TMEM163: variants seen among roughly 807,000 people sequenced by gnomAD.
The protein encoded by TMEM163 is transmembrane protein 163.
Under a neutral mutation model 29.3 loss-of-function variants are expected in TMEM163, and 17 were observed. That is an observed-to-expected ratio of 0.58 (90% CI 0.40 to 0.87). The LOEUF (loss-of-function observed/expected upper bound fraction) is 0.87. TMEM163 is among the 40% of genes least tolerant of loss of function. TMEM163 has a pLI of 0.00. For missense variants in TMEM163, 303 were observed against 381.5 expected (o/e 0.79, Z 1.71); for synonymous variants, 157 against 160.6 (o/e 0.98, Z 0.17).
rs142031692 is a variant in TMEM163 at position 134,712,328 on chromosome 2, C to T, written c.322+872G>A. Among the ~76,000 whole-genome samples the T allele has an allele frequency of 1.3e-3, 202 of 152,326 alleles. 1 individual carries two copies. The highest frequency in any genetic ancestry group is 7.7e-3 in the East Asian group (40 of 5,184). ...ACAACACACACACATAGCTTGTCTTCTAGCAGACATGTGCTTTTTTTCTCC... is the reference window on the plus strand; with the variant it reads ...ACAACACACACACATAGCTTGTCTTTTAGCAGACATGTGCTTTTTTTCTCC... On this transcript the variant is annotated intron_variant, in intron 2 of 7. Transcript: ENST00000281924.
chr2:134,679,354 C>T (rs968004737), intron 2 of TMEM163, among the ~76,000 whole-genome samples: 3 of 152,194 alleles, frequency 2.0e-5, no homozygotes, highest in Admixed American at 6.5e-5. Context: ...AACTCATGCA[C>T]GTTACATCAT....
At chr2:134,614,570 T>TCAGTGGGACA (rs1682567781) in intron 2 of TMEM163, among the ~76,000 whole-genome samples, 1 of 152,178 alleles carries the variant, frequency 6.6e-6, no homozygotes, top group Non-Finnish European at 1.5e-5. Flanking sequence ...TAAAACATTT[T>TCAGTGGGACA]CAGTGGGACA....
In TMEM163 at chr2:134,455,976, ATGC is replaced by A. The variant is rs1333503118; in HGVS notation, c.*737_*739del. On this transcript the variant is annotated 3_prime_UTR_variant, in exon 8 of 8. Transcript: ENST00000281924. ...ACCACTTAACACAGCATATAGATAT[ATGC>A]ATATACGGATAGATTATATTTATTT... 2 of 152,692 alleles carry A rather than the reference ATGC, an allele frequency of 1.3e-5. No homozygotes were observed. Among genetic ancestry groups the A allele is most frequent in the Non-Finnish European group, 2.9e-5 (2 of 68,080 alleles). 9.5% of individuals were successfully genotyped at this position (152,692 alleles called of 1,614,324 possible).
chr2:134,559,786 G>A (rs1436064721), intron 2 of TMEM163, among the ~76,000 whole-genome samples: 1 of 152,110 alleles, frequency 6.6e-6, no homozygotes, highest in Non-Finnish European at 1.5e-5. Context: ...TGCTGCTATG[G>A]GGGTAGGGAG....
At chr2:134,564,525 G>A (rs534001362) in intron 2 of TMEM163, among the ~76,000 whole-genome samples, 16 of 152,246 alleles carry the variant, frequency 1.1e-4, no homozygotes, top group African/African-American at 2.6e-4. Flanking sequence ...GAAAGGACTC[G>A]TAAACTGAAC....
chr2:134,683,322 G>C (rs944501193), intron 2 of TMEM163, among the ~76,000 whole-genome samples: 1 of 151,954 alleles, frequency 6.6e-6, no homozygotes, highest in Non-Finnish European at 1.5e-5. Flanking sequence ...TATTGATAAC[G>C]GGGGGAAGCT....
At chr2:134,675,099 T>G (rs1024496692) in intron 2 of TMEM163, among the ~76,000 whole-genome samples, 3 of 152,248 alleles carry the variant, frequency 2.0e-5, no homozygotes, top group African/African-American at 7.2e-5. Flanking sequence ...TAAGCATCAC[T>G]TTTACTTTTT....
chr2:134,467,323 A>C (rs747332262), intron 5 of TMEM163: 1 of 152,016 alleles, frequency 6.6e-6, no homozygotes, highest in Non-Finnish European at 1.5e-5. Flanking sequence ...ACAGACTCAA[A>C]TCTAACACAG....
At chr2:134,485,634 T>C (rs930991853) in intron 5 of TMEM163, among the ~76,000 whole-genome samples, 1 of 152,218 alleles carries the variant, frequency 6.6e-6, no homozygotes, top group Non-Finnish European at 1.5e-5. Context: ...ACTGACTGCA[T>C]CAGGCTCACC....
intron 2 of TMEM163, among the ~76,000 whole-genome samples, chr2:134,576,008 A>G (rs1411831918): frequency 2.0e-5 from 3 of 152,150 alleles, no homozygotes; most frequent in African/African-American, 7.2e-5. Context: ...AAAGAAACAA[A>G]TGACACCCAT....
At chr2:134,477,287 C>G (rs35375510) in intron 5 of TMEM163, among the ~76,000 whole-genome samples, 1 of 152,200 alleles carries the variant, frequency 6.6e-6, no homozygotes, top group Non-Finnish European at 1.5e-5. Context: ...AAGGAACTTA[C>G]AACCTAGTTA....
chr2:134,471,305 T>C (rs1003119116), intron 5 of TMEM163, among the ~76,000 whole-genome samples: 1 of 152,090 alleles, frequency 6.6e-6, no homozygotes, highest in Admixed American at 6.5e-5. Flanking sequence ...ATAATTAGGG[T>C]TAGATTAGGT....
chr2:134,637,866 T>C (rs1037049983), intron 2 of TMEM163, among the ~76,000 whole-genome samples: 16 of 152,216 alleles, frequency 1.1e-4, no homozygotes, highest in Admixed American at 9.2e-4. Context: ...ATTTGGAAGT[T>C]TGTAACAAGA....
At chr2:134,632,957 A>C (rs1683004664) in intron 2 of TMEM163, among the ~76,000 whole-genome samples, 1 of 135,982 alleles carries the variant, frequency 7.4e-6, no homozygotes, top group Non-Finnish European at 1.5e-5. Context: ...ACAAGGTTTC[A>C]CCATGTTAGC....
At chr2:134,576,867 C>T (rs936825177) in intron 2 of TMEM163, among the ~76,000 whole-genome samples, 2 of 152,220 alleles carry the variant, frequency 1.3e-5, no homozygotes, top group Non-Finnish European at 2.9e-5. Flanking sequence ...ACCTCCTAAA[C>T]TGAACTATTA....
chr2:134,508,811 T>TCTTCAA (rs112583437), intron 4 of TMEM163, among the ~76,000 whole-genome samples: 59,720 of 151,234 alleles, frequency 0.39, 11,964 homozygotes, highest in South Asian at 0.61. Flanking sequence ...CTCTCCTCTA[T>TCTTCAA]CTTCATCTAC....
intron 2 of TMEM163, among the ~76,000 whole-genome samples, chr2:134,561,450 C>T (rs1483723589): frequency 6.6e-6 from 1 of 151,684 alleles, no homozygotes; most frequent in African/African-American, 2.4e-5. Flanking sequence ...CCTCGTGATC[C>T]GAGGTCCAGC....
At chr2:134,585,941 T>C (rs1681813708) in intron 2 of TMEM163, among the ~76,000 whole-genome samples, 1 of 152,188 alleles carries the variant, frequency 6.6e-6, no homozygotes, top group Admixed American at 6.5e-5. Flanking sequence ...TGCCTTATAG[T>C]ATATGTTCCT....
At chr2:134,571,818 G>A (rs1431948888) in intron 2 of TMEM163, among the ~76,000 whole-genome samples, 17 of 152,098 alleles carry the variant, frequency 1.1e-4, no homozygotes, top group African/African-American at 1.7e-4. Flanking sequence ...TTAGAGACTC[G>A]GTGACCAGGG....
Sources: allele counts gnomAD v4.1 joint callset (sites outside exome capture counted in the v4.1 genomes callset), GRCh38; gene constraint gnomAD v4.1.1; transcripts MANE v1.5; gene names NCBI Gene and HGNC (gene_info 2026-07-23, HGNC 2026-07-21).